CCBE1: variants seen among roughly 807,000 people sequenced by gnomAD.
The protein encoded by CCBE1 is collagen and calcium-binding EGF domain-containing protein 1.
In CCBE1, 37 loss-of-function variants were observed where a neutral mutation model predicts 50.0. That is an observed-to-expected ratio of 0.74 (90% CI 0.57 to 0.97). CCBE1 has a LOEUF of 0.97. Ranked by LOEUF, CCBE1 falls within the 50% of genes least tolerant of loss-of-function variation. The pLI is 0.00. For missense variants in CCBE1, 538 were observed against 523.8 expected, an observed-to-expected ratio of 1.03 and a Z score of -0.26; for synonymous variants, 234 against 203.7, an observed-to-expected ratio of 1.15 and a Z score of -1.27.
At chr18:59,532,502 C>A (rs1208361293) in intron 2 of CCBE1, among the ~76,000 whole-genome samples, 3 of 152,222 alleles carry the variant, frequency 2.0e-5, no homozygotes, top group Non-Finnish European at 4.4e-5. Flanking sequence ...GCTGTGAAGG[C>A]TACTGGTGTT....
chr18:59,624,636 C>CA (rs1419540649), intron 2 of CCBE1, among the ~76,000 whole-genome samples: 2 of 152,142 alleles, frequency 1.3e-5, no homozygotes, highest in African/African-American at 2.4e-5. Flanking sequence ...AAGGGAGTCT[C>CA]AGCTTCCTCC....
chr18:59,601,433 T>C (rs566836982), intron 2 of CCBE1, among the ~76,000 whole-genome samples: 2 of 152,314 alleles, frequency 1.3e-5, no homozygotes, highest in East Asian at 3.9e-4. Context: ...CCTGCCACCA[T>C]GTAAGACGTG....
intron 2 of CCBE1, among the ~76,000 whole-genome samples, chr18:59,510,576 C>T (rs1462520708): frequency 6.6e-6 from 1 of 152,078 alleles, no homozygotes; most frequent in African/African-American, 2.4e-5. Flanking sequence ...TGCCCGCCAC[C>T]ACACCCAGCT....
Position 59,603,083 on chromosome 18 carries a change from T to C in CCBE1, c.212+93546A>G, listed in dbSNP as rs769225952. Among the ~76,000 whole-genome samples the C allele has an allele frequency of 9.9e-4, 150 of 152,204 alleles. 1 individual carries two copies. Among genetic ancestry groups the C allele is most frequent in the Non-Finnish European group, 3.4e-4 (23 of 68,038 alleles). On this transcript the variant is annotated intron_variant, in intron 2 of 10. Coordinates refer to ENST00000439986, the MANE Select transcript of CCBE1 (RefSeq NM_133459.4). ...AACTCCATTTGTTAGTTGTTACACA[T>C]AGAGCACTAATAGGACAATATTTCT...
chr18:59,649,107 A>G (rs2054094007), intron 2 of CCBE1, among the ~76,000 whole-genome samples: 1 of 152,188 alleles, frequency 6.6e-6, no homozygotes, highest in Admixed American at 6.5e-5. Context: ...GTGTATTTCT[A>G]ACAGTGGACA....
chr18:59,645,789 T>C (rs944098283), intron 2 of CCBE1, among the ~76,000 whole-genome samples: 2 of 152,178 alleles, frequency 1.3e-5, no homozygotes, highest in African/African-American at 4.8e-5. Flanking sequence ...CCCAGCACTT[T>C]GGGAGGCCAA....
At chr18:59,553,671 T>C (rs926797049) in intron 2 of CCBE1, among the ~76,000 whole-genome samples, 2 of 152,218 alleles carry the variant, frequency 1.3e-5, no homozygotes, top group African/African-American at 2.4e-5. Flanking sequence ...ACATACACTT[T>C]AGGTGCTCTG....
rs796760391 is a variant in CCBE1 at position 59,632,798 on chromosome 18, G to A, written c.212+63831C>T. 2.2e-4 allele frequency among the ~76,000 whole-genome samples: 34 copies of A among 151,792 alleles called. 1 individual carries two copies. Among genetic ancestry groups the A allele is most frequent in the African/African-American group, 7.3e-4 (30 of 41,352 alleles). On this transcript the variant is annotated intron_variant, in intron 2 of 10. Transcript: ENST00000439986. ...TTTATTTTATTTTTTTAATAGAGAC[G>A]GGGTTTCACCATGTTGGCCAGGCTG...
At position 59,507,908 on chromosome 18, in the gene CCBE1, T is replaced by C. The variant is rs142182122; in HGVS notation, c.213-27670A>G. On this transcript the variant is annotated intron_variant, in intron 2 of 10. Coordinates refer to ENST00000439986, the MANE Select transcript of CCBE1 (RefSeq NM_133459.4). The stretch of plus-strand genomic sequence containing the variant: ...TCCTCTTTCTTTTCCTTTTTTTTTT[T>C]TGAGATGGCATCTCCCTCTGTCACC... Among the ~76,000 whole-genome samples the C allele has an allele frequency of 6.1e-3, 921 of 151,818 alleles. 9 individuals are homozygous for C. Among genetic ancestry groups the C allele is most frequent in the African/African-American group, 0.021 (876 of 41,360 alleles).
At chr18:59,471,689 C>T (rs1284659633) in intron 3 of CCBE1, among the ~76,000 whole-genome samples, 2 of 152,202 alleles carry the variant, frequency 1.3e-5, no homozygotes, top group Admixed American at 6.5e-5. Context: ...CTGGAGACCA[C>T]ATTATTCCTG....
intron 5 of CCBE1, among the ~76,000 whole-genome samples, chr18:59,462,848 A>G (rs1172791019): frequency 6.6e-6 from 1 of 152,244 alleles, no homozygotes; most frequent in Non-Finnish European, 1.5e-5. Context: ...AGGTCTGCAG[A>G]ACATCATGTG....
intron 2 of CCBE1, among the ~76,000 whole-genome samples, chr18:59,514,437 C>A (rs1337969614): frequency 1.3e-5 from 2 of 152,084 alleles, no homozygotes; most frequent in African/African-American, 4.8e-5. Context: ...TGCAGTTCAG[C>A]CTTCCATGCA....
chr18:59,562,334 A>T (rs1031794042), intron 2 of CCBE1, among the ~76,000 whole-genome samples: 2 of 152,190 alleles, frequency 1.3e-5, no homozygotes, highest in Admixed American at 1.3e-4. Context: ...TTAACTAAGA[A>T]ATTTAGCAAT....
chr18:59,570,999 C>A (rs112862491), intron 2 of CCBE1, among the ~76,000 whole-genome samples: 32 of 152,258 alleles, frequency 2.1e-4, no homozygotes, highest in African/African-American at 7.5e-4. Flanking sequence ...AAGAGTAAGT[C>A]GACTGCTGAG....
At chr18:59,666,620 G>A (rs966199554) in intron 2 of CCBE1, among the ~76,000 whole-genome samples, 4 of 151,388 alleles carry the variant, frequency 2.6e-5, no homozygotes, top group Admixed American at 1.3e-4. Flanking sequence ...TTTTTGAGGT[G>A]GGGGGGTGGG....
chr18:59,675,870 C>G (rs1040968519), intron 2 of CCBE1, among the ~76,000 whole-genome samples: 44 of 152,250 alleles, frequency 2.9e-4, no homozygotes, highest in South Asian at 4.1e-4. Flanking sequence ...GGCAAGGTCT[C>G]TAAGATGTTC....
intron 2 of CCBE1, among the ~76,000 whole-genome samples, chr18:59,543,912 T>C (rs980630041): frequency 2.0e-5 from 3 of 151,458 alleles, no homozygotes; most frequent in Non-Finnish European, 4.4e-5. Context: ...CTCGCAGTTC[T>C]GGGATTCTGT....
intron 4 of CCBE1, among the ~76,000 whole-genome samples, chr18:59,469,267 C>T (rs1470426164): frequency 1.3e-5 from 2 of 152,180 alleles, no homozygotes; most frequent in African/African-American, 4.8e-5. Context: ...CCAATTAGGA[C>T]CTTGCTGGTA....
intron 2 of CCBE1, among the ~76,000 whole-genome samples, chr18:59,573,311 G>T (rs1321178712): frequency 1.2e-5 from 1 of 86,028 alleles, no homozygotes; most frequent in East Asian, 3.2e-4. Flanking sequence ...ATGTATGTAT[G>T]TGATAGGCCT....
Sources: gnomAD v4.1 joint callset for allele counts (sites outside exome capture counted in the v4.1 genomes callset) on GRCh38, gnomAD v4.1.1 for gene constraint, MANE v1.5 for transcripts, NCBI Gene and HGNC (gene_info 2026-07-23, HGNC 2026-07-21) for gene names.